Variants in SCUBE1 observed in about 807,000 individuals in gnomAD.
SCUBE1 encodes the protein signal peptide, CUB and EGF-like domain-containing protein 1.
Under a neutral mutation model 124.4 loss-of-function variants are expected in SCUBE1, and 59 were observed. The observed-to-expected ratio is 0.47, with a 90% CI of 0.38 to 0.59. The LOEUF (loss-of-function observed/expected upper bound fraction) is 0.59. SCUBE1 is among the 20% of genes least tolerant of loss of function. The probability of loss-of-function intolerance (pLI) is 0.00; values close to 1 mark genes in which losing one functional copy is unlikely to be tolerated. For synonymous variants in SCUBE1, 545 were observed against 550.9 expected, an observed-to-expected ratio of 0.99 and a Z score of 0.15; for missense variants, 1,150 against 1,371.2, an observed-to-expected ratio of 0.84 and a Z score of 2.55.
rs1209929712 is a variant in SCUBE1 at position 43,199,081 on chromosome 22, T to C, written c.*4916A>G. On this transcript the variant is annotated 3_prime_UTR_variant, in exon 22 of 22. Transcript: ENST00000360835. ...TTGTCTGTCTGCTGTCCGGGGCAGT[T>C]TGTTTGTCTGTCTGCTGTCTGGGGC... 1.4e-4 allele frequency: 41 copies of C among 290,240 alleles called. No homozygotes were observed. In the Admixed American group the frequency reaches 1.6e-3, roughly 11 times the overall value. The allele number at this position is 290,240 out of a possible 1,614,324, so 18.0% of individuals were successfully genotyped here.
In SCUBE1 at chr22:43,258,082, G is replaced by A. The variant is rs905955831; in HGVS notation, c.727+137C>T. Reference sequence around the variant, plus strand: ...GCCGGCCATCCCCGCCATTGCCATGGGCTTGCCTTTCCTTGTTTCCCTGAA... The same window carrying A: ...GCCGGCCATCCCCGCCATTGCCATGAGCTTGCCTTTCCTTGTTTCCCTGAA... On this transcript the variant is annotated intron_variant, in intron 6 of 21. Transcript: ENST00000360835. The surrounding 1 kb of genome is among the most constrained non-coding windows in gnomAD (Gnocchi z 5.0). 2.8e-6 allele frequency: 2 copies of A among 710,636 alleles called. No homozygotes were observed. Among genetic ancestry groups the A allele is most frequent in the African/African-American group, 3.5e-5 (2 of 57,694 alleles). The allele number at this position is 710,636 out of a possible 1,614,324, so 44.0% of individuals were successfully genotyped here.
At chr22:43,285,588 C>T (rs1925107341) in intron 4 of SCUBE1, among the ~76,000 whole-genome samples, 1 of 152,208 alleles carries the variant, frequency 6.6e-6, no homozygotes, top group Non-Finnish European at 1.5e-5. Context: ...CAACAGTTTT[C>T]CCTGAGGGCT....
chr22:43,287,776 C>G (rs1459658331), intron 4 of SCUBE1, among the ~76,000 whole-genome samples: 3 of 152,258 alleles, frequency 2.0e-5, no homozygotes, highest in African/African-American at 4.8e-5. Context: ...GGTCACTTGT[C>G]TGCAAAACAA....
intron 2 of SCUBE1, among the ~76,000 whole-genome samples, chr22:43,336,746 C>A (rs1241453918): frequency 1.3e-5 from 2 of 152,176 alleles, no homozygotes; most frequent in Admixed American, 6.5e-5. Context: ...GTCTAGCATG[C>A]ATGTGTGTGC....
chr22:43,214,109 G>A lies in SCUBE1; in HGVS notation c.2034C>T (p.Arg678=), dbSNP rs765375031. Residue 678 remains arginine, a synonymous_variant, in exon 16 of 22, where the codon CGC becomes CGT. Coordinates refer to ENST00000360835, the MANE Select transcript of SCUBE1 (RefSeq NM_173050.5). ...ACTTGCCTCCACATTCCGACACGTT[G>A]CGGGCACCAGGCAGACCAAGCCCGT... ...SSDGLGLPGA[R]NVSECGGQCS... The A allele has an allele frequency of 3.8e-6, 6 of 1,587,470 alleles. No homozygotes were observed. Among genetic ancestry groups the A allele is most frequent in the Admixed American group, 3.6e-5 (2 of 55,766 alleles).
intron 21 of SCUBE1, among the ~76,000 whole-genome samples, chr22:43,207,277 G>A (rs1921329721): frequency 6.6e-6 from 1 of 152,124 alleles, no homozygotes. Context: ...GAATGTGCCT[G>A]AGGCCACATC....
In SCUBE1 at chr22:43,262,573, G is replaced by A. The variant is rs1923910941; in HGVS notation, c.610+147C>T. On this transcript the variant is annotated intron_variant, in intron 5 of 21. Coordinates refer to ENST00000360835, the MANE Select transcript of SCUBE1 (RefSeq NM_173050.5). ...AACCCTTGTCCCTTATGCCCTATCA[G>A]GCCCCTTCCACAGGCCCTGCCCTTC... is the stretch of plus-strand genomic sequence containing the variant. 1.1e-5 allele frequency: 10 copies of A among 880,504 alleles called. No individual in the cohort carries two copies. The South Asian group carries it at 1.6e-4, about 14-fold the overall frequency. 54.5% of individuals were successfully genotyped at this position (880,504 alleles called of 1,614,324 possible).
intron 6 of SCUBE1, among the ~76,000 whole-genome samples, chr22:43,252,396 G>A (rs921354883): frequency 1.1e-4 from 17 of 152,242 alleles, no homozygotes; most frequent in Non-Finnish European, 2.9e-5. Flanking sequence ...TGGCCACTTT[G>A]GCTTGCAGGT....
At chr22:43,297,876 T>A (rs1925622983) in intron 3 of SCUBE1, among the ~76,000 whole-genome samples, 1 of 152,230 alleles carries the variant, frequency 6.6e-6, no homozygotes, top group African/African-American at 2.4e-5. Context: ...CCACCCATGT[T>A]TTCATGGCTG....
intron 3 of SCUBE1, among the ~76,000 whole-genome samples, chr22:43,315,150 G>C (rs1246541896): frequency 2.0e-5 from 3 of 152,104 alleles, no homozygotes; most frequent in African/African-American, 7.2e-5. Context: ...CCAGCTTGAA[G>C]CCTTTGCTGG....
chr22:43,214,071 C>CCT lies in SCUBE1; in HGVS notation c.2053+18_2053+19insAG. 1.4e-6 allele frequency: 1 copy of CCT among 693,484 alleles called. No homozygotes were observed. Among genetic ancestry groups the CCT allele is most frequent in the African/African-American group, 1.8e-5 (1 of 54,246 alleles). 43.0% of individuals were successfully genotyped at this position (693,484 alleles called of 1,614,324 possible). ...CGCCCACCCCCCACCCCCACCTCTC[C>CCT]TTCTAGGCCCGCACTTGCCTCCACA... is the stretch of plus-strand genomic sequence containing the variant. On this transcript the variant is annotated intron_variant, in intron 16 of 21. Coordinates refer to ENST00000360835, the MANE Select transcript of SCUBE1 (RefSeq NM_173050.5).
chr22:43,334,545 C>T (rs780686448), intron 2 of SCUBE1, among the ~76,000 whole-genome samples: 1 of 152,068 alleles, frequency 6.6e-6, no homozygotes, highest in Non-Finnish European at 1.5e-5. Context: ...TCTTCTTCAG[C>T]ACCATCATCA....
At chr22:43,239,055 G>T (rs767586395) in intron 6 of SCUBE1, 101 bp from the exon 7 acceptor site, 2 of 905,516 alleles carry the variant, frequency 2.2e-6, no homozygotes, top group Non-Finnish European at 3.6e-6. Flanking sequence ...GACGAGACCC[G>T]GGTTCAAGCT....
chr22:43,300,921 G>A (rs1925747642), intron 3 of SCUBE1, among the ~76,000 whole-genome samples: 1 of 152,124 alleles, frequency 6.6e-6, no homozygotes, highest in Non-Finnish European at 1.5e-5. Context: ...CCTGCACGTG[G>A]ACATCCTGCG....
intron 4 of SCUBE1, among the ~76,000 whole-genome samples, chr22:43,268,691 C>T (rs1924171429): frequency 1.3e-5 from 2 of 152,234 alleles, no homozygotes; most frequent in Non-Finnish European, 2.9e-5. Flanking sequence ...GCCTGCTTCC[C>T]AGAGTGTGCT....
chr22:43,241,825 G>T (rs1333160340), intron 6 of SCUBE1, among the ~76,000 whole-genome samples: 1 of 152,238 alleles, frequency 6.6e-6, no homozygotes, highest in Non-Finnish European at 1.5e-5. Context: ...CCCATGTCAG[G>T]CTCATGTAAG....
chr22:43,280,284 C>T (rs535648225), intron 4 of SCUBE1, among the ~76,000 whole-genome samples: 2 of 152,156 alleles, frequency 1.3e-5, no homozygotes, highest in Non-Finnish European at 2.9e-5. Context: ...TAAATATTCC[C>T]CACCTATGTG....
chr22:43,271,225 A>G (rs1378229242), intron 4 of SCUBE1, among the ~76,000 whole-genome samples: 3 of 152,102 alleles, frequency 2.0e-5, no homozygotes, highest in Non-Finnish European at 4.4e-5. Context: ...CTCCTTGCTC[A>G]TAGCACTCAC....
At chr22:43,326,647 T>C (rs1377438582) in intron 2 of SCUBE1, among the ~76,000 whole-genome samples, 1 of 152,160 alleles carries the variant, frequency 6.6e-6, no homozygotes, top group Admixed American at 6.5e-5. Context: ...CACACATCTA[T>C]ATACTTTTTC....
Sources: allele counts gnomAD v4.1 joint callset (sites outside exome capture counted in the v4.1 genomes callset), GRCh38; gene constraint gnomAD v4.1.1; non-coding constraint Gnocchi (gnomAD v3.1); transcripts MANE v1.5; gene names NCBI Gene and HGNC (gene_info 2026-07-23, HGNC 2026-07-21).